Variants in MYH15 observed in about 807,000 individuals in gnomAD.
MYH15 encodes the protein myosin heavy chain 15, also known as myosin-15.
Under a neutral mutation model 240.5 loss-of-function variants are expected in MYH15, and 227 were observed. That is an observed-to-expected ratio of 0.94 (90% CI 0.85 to 1.05). MYH15 has a LOEUF of 1.05. MYH15 is among the 50% of genes least tolerant of loss of function. The pLI, the probability that MYH15 is intolerant of heterozygous loss-of-function variation, is 0.00. For missense variants in MYH15, 2,217 were observed against 2,247.5 expected (o/e 0.99, Z 0.27); for synonymous variants, 785 against 796.7 (o/e 0.99, Z 0.25).
chr3:108,511,098 G>A (rs952879599), upstream of MYH15, among the ~76,000 whole-genome samples: 6 of 151,946 alleles, frequency 3.9e-5, no homozygotes, highest in East Asian at 3.9e-4. Flanking sequence ...ATCAAGTTGC[G>A]GACACTAGGC....
chr3:108,436,454 C>T (rs1431335746), intron 25 of MYH15, among the ~76,000 whole-genome samples: 1 of 152,094 alleles, frequency 6.6e-6, no homozygotes, highest in Non-Finnish European at 1.5e-5. Flanking sequence ...ATGTATATAC[C>T]AACAAGAAAG....
chr3:108,500,113 C>T lies in MYH15; in HGVS notation c.496+5G>A, dbSNP rs1193895087. ...TACTTTTCATTTTGTAGGGCAGCTA[C>T]TCACTGTGAAGCATGTCCTGAAAGG... On this transcript the variant is annotated splice_donor_5th_base_variant and intron_variant, in intron 4 of 40. Transcript: ENST00000693548. The T allele has an allele frequency of 3.1e-6, 5 of 1,611,524 alleles. No individual in the cohort carries two copies. The highest frequency in any genetic ancestry group is 3.4e-6 in the Non-Finnish European group (4 of 1,179,006).
chr3:108,446,148 T>A (rs1259028034), intron 21 of MYH15, among the ~76,000 whole-genome samples: 1 of 152,070 alleles, frequency 6.6e-6, no homozygotes, highest in Non-Finnish European at 1.5e-5. Flanking sequence ...CCTATCCCCA[T>A]GAACCCAGTC....
chr3:108,470,050 T>A lies in MYH15; in HGVS notation c.1546A>T (p.Ile516Phe). 1 of 1,592,046 alleles carries A rather than the reference T, an allele frequency of 6.3e-7. No individual in the cohort carries two copies. Among genetic ancestry groups the A allele is most frequent in the Non-Finnish European group, 8.5e-7 (1 of 1,173,204 alleles). The change falls in exon 14 of 41, where the codon ATT becomes TTT. Residue 516 changes from isoleucine to phenylalanine, a missense_variant. Transcript: ENST00000693548. Reference protein sequence around the residue: ...GLDLQACIDLIEKPMGILSIL... With the variant: ...GLDLQACIDLFEKPMGILSIL... ...AGAAAAACATATATTACCTTCTCAATGAGATCTATGCAAGCTTGCAAATCC... is the reference window on the plus strand; with the variant it reads ...AGAAAAACATATATTACCTTCTCAAAGAGATCTATGCAAGCTTGCAAATCC...
the MYH15 span, among the ~76,000 whole-genome samples, chr3:108,536,860 TCTC>T: frequency 3.9e-5 from 6 of 152,158 alleles, no homozygotes; most frequent in South Asian, 2.1e-4. Flanking sequence ...CTTGGGAGAC[TCTC>T]CTATCAAAGA....
intron 18 of MYH15, among the ~76,000 whole-genome samples, chr3:108,457,962 A>G (rs1292471401): frequency 6.6e-6 from 1 of 152,184 alleles, no homozygotes; most frequent in Non-Finnish European, 1.5e-5. Flanking sequence ...TGAACCCAGA[A>G]GGCAGAGATT....
At chr3:108,438,001 G>A (rs980664178) in intron 24 of MYH15, among the ~76,000 whole-genome samples, 1 of 152,198 alleles carries the variant, frequency 6.6e-6, no homozygotes, top group Non-Finnish European at 1.5e-5. Flanking sequence ...ATGATAGGAA[G>A]CTCACTTCTT....
At chr3:108,396,240 T>C (rs1057276834) in intron 35 of MYH15, among the ~76,000 whole-genome samples, 3 of 152,308 alleles carry the variant, frequency 2.0e-5, no homozygotes, top group South Asian at 2.1e-4. Context: ...ATGATATGCA[T>C]GGCAAATGAT....
chr3:108,515,547 T>G (rs2083555457), upstream of MYH15, among the ~76,000 whole-genome samples: 1 of 152,186 alleles, frequency 6.6e-6, no homozygotes, highest in African/African-American at 2.4e-5. Flanking sequence ...TAATCTGAAG[T>G]GAGTTTTTGT....
Position 108,398,636 on chromosome 3 carries a change from C to A in MYH15, c.5133+1G>T, listed in dbSNP as rs200612391. On this transcript the variant is annotated splice_donor_variant, in intron 35 of 40. Transcript: ENST00000693548. LOFTEE classifies it high-confidence loss of function. ...TAATAGGGAGAGTATATGGGCCCCA[C>A]CTGGGTATAGAAAAGATTGATTCTT... 6.2e-7 allele frequency: 1 copy of A among 1,612,536 alleles called. No homozygotes were observed. The highest frequency in any genetic ancestry group is 8.5e-7 in the Non-Finnish European group (1 of 1,180,022).
At chr3:108,391,242 T>C (rs2082421045) in intron 37 of MYH15, among the ~76,000 whole-genome samples, 1 of 152,230 alleles carries the variant, frequency 6.6e-6, no homozygotes, top group South Asian at 2.1e-4. Context: ...TTACAAATCT[T>C]ATTTTCAAGA....
At position 108,444,628 on chromosome 3, in the gene MYH15, G is replaced by A. The variant is rs2082911752; in HGVS notation, c.2655+12C>T. The A allele has an allele frequency of 6.2e-7, 1 of 1,612,296 alleles. No individual in the cohort carries two copies. Among genetic ancestry groups the A allele is most frequent in the East Asian group, 2.2e-5 (1 of 44,830 alleles). On this transcript the variant is annotated intron_variant, in intron 22 of 40. Transcript: ENST00000693548. Reference sequence around the variant, plus strand: ...AAACTTGATTTAAAGAACAAATGGTGGGGCTACTCACAGCCTGAAGCTGAA... The same window carrying A: ...AAACTTGATTTAAAGAACAAATGGTAGGGCTACTCACAGCCTGAAGCTGAA...
chr3:108,441,373 T>G (rs775735873), intron 22 of MYH15, 113 bp from the exon 23 acceptor site: 4 of 1,196,244 alleles, frequency 3.3e-6, no homozygotes, highest in Non-Finnish European at 3.6e-6. Context: ...TGCCCAGCAC[T>G]TTCACCTACC....
intron 33 of MYH15, among the ~76,000 whole-genome samples, chr3:108,401,181 G>A (rs2082501781): frequency 6.6e-6 from 1 of 152,114 alleles, no homozygotes; most frequent in African/African-American, 2.4e-5. Flanking sequence ...ACACGTTCTT[G>A]CCGTAACCCC....
upstream of MYH15, among the ~76,000 whole-genome samples, chr3:108,532,345 C>T (rs1472903647): frequency 6.6e-6 from 1 of 152,048 alleles, no homozygotes; most frequent in Non-Finnish European, 1.5e-5. Context: ...GACAAAAAGG[C>T]TGACCTCCTG....
intron 22 of MYH15, 67 bp from the exon 23 acceptor site, chr3:108,441,327 G>A: frequency 6.4e-7 from 1 of 1,565,416 alleles, no homozygotes; most frequent in Non-Finnish European, 8.7e-7. Context: ...CGAAAATGCT[G>A]CTTAACACAC....
chr3:108,420,962 G>T, intron 28 of MYH15, 126 bp downstream of exon 28: 1 of 1,334,756 alleles, frequency 7.5e-7, no homozygotes, highest in Non-Finnish European at 1.0e-6. Flanking sequence ...CTCAGAGGCT[G>T]CATTCCTCCC....
chr3:108,414,848 A>G (rs928455475), intron 29 of MYH15, among the ~76,000 whole-genome samples: 1 of 152,238 alleles, frequency 6.6e-6, no homozygotes, highest in Admixed American at 6.5e-5. Context: ...GATGAAGAAA[A>G]TAAAATCTTT....
chr3:108,460,458 A>C, intron 16 of MYH15, 91 bp from the exon 17 acceptor site: 1 of 983,890 alleles, frequency 1.0e-6, no homozygotes, highest in Non-Finnish European at 1.5e-6. Context: ...GCATAAATTC[A>C]CCAGAGTTCT....
Sources: allele counts gnomAD v4.1 joint callset (sites outside exome capture counted in the v4.1 genomes callset), GRCh38; gene constraint gnomAD v4.1.1; transcripts MANE v1.5; gene names NCBI Gene and HGNC (gene_info 2026-07-23, HGNC 2026-07-21).